The following AASS variants were observed in gnomAD, a reference collection of about 807,000 sequenced individuals.
AASS encodes the protein aminoadipate-semialdehyde synthase, also known as alpha-aminoadipic semialdehyde synthase, mitochondrial.
A neutral mutation model predicts 105.4 loss-of-function variants in AASS; 86 were observed. That is an observed-to-expected ratio of 0.82 (90% CI 0.69 to 0.98). The LOEUF (loss-of-function observed/expected upper bound fraction) is 0.98, where lower values mean the gene tolerates loss of function less well. Ranked by LOEUF, AASS falls within the 50% of genes least tolerant of loss-of-function variation. AASS has a pLI of 0.00. For synonymous variants in AASS, 381 were observed against 394.8 expected (o/e 0.96, Z 0.41); for missense variants, 1,048 against 1,143.2 (o/e 0.92, Z 1.20).
chr7:122,103,727 C>A (rs1221640151), intron 11 of AASS, among the ~76,000 whole-genome samples: 3 of 151,614 alleles, frequency 2.0e-5, no homozygotes, highest in Non-Finnish European at 4.4e-5. Flanking sequence ...ACTGGTTGCA[C>A]CCAACTCAGA....
intron 16 of AASS, 45 bp from the exon 17 acceptor site, chr7:122,092,996 TA>T: frequency 3.7e-6 from 6 of 1,611,436 alleles, no homozygotes; most frequent in Non-Finnish European, 5.1e-6. Flanking sequence ...GGATATAAAA[TA>T]AAAACAATGC....
rs573271928 is a variant in AASS at position 122,092,878 on chromosome 7, C to T, written c.1840G>A (p.Glu614Lys). ...ACTTCCTTGGCTTTATCTATTGTTT[C>T]CATTGCTAACATGTGATCCAGACCA... ...DPGLDHMLAMETIDKAKEVGA... is the reference protein window; with the variant it reads ...DPGLDHMLAMKTIDKAKEVGA... The change falls in exon 17 of 24, where the codon GAA (glutamate) becomes AAA (lysine). Residue 614 changes from glutamate to lysine, a missense_variant. Physicochemically the swap from Glu to Lys is moderately conservative, Grantham distance 56. Coordinates refer to ENST00000417368, the MANE Select transcript of AASS (RefSeq NM_005763.4). 1 of 1,613,928 alleles carries T rather than the reference C, an allele frequency of 6.2e-7. No individual in the cohort carries two copies. The highest frequency in any genetic ancestry group is 1.3e-5 in the African/African-American group (1 of 75,026).
chr7:122,116,522 C>T, intron 8 of AASS, 111 bp downstream of exon 8: 2 of 1,399,390 alleles, frequency 1.4e-6, no homozygotes, highest in Non-Finnish European at 2.0e-6. Flanking sequence ...CCAAAGGACT[C>T]ACAACAGGAA....
chr7:122,115,587 T>C (rs947448146), intron 8 of AASS, among the ~76,000 whole-genome samples: 1 of 152,180 alleles, frequency 6.6e-6, no homozygotes, highest in African/African-American at 2.4e-5. Flanking sequence ...TCATGCTACC[T>C]CAACTTCCCT....
chr7:122,095,195 G>A lies in AASS; in HGVS notation c.1656-2037C>T, dbSNP rs537958985. Among the ~76,000 whole-genome samples the A allele has an allele frequency of 2.6e-5, 4 of 152,058 alleles. No individual in the cohort carries two copies. The South Asian group carries it at 6.2e-4, about 24-fold the overall frequency. On this transcript the variant is annotated intron_variant, in intron 15 of 23. Coordinates refer to ENST00000417368, the MANE Select transcript of AASS (RefSeq NM_005763.4). ...GTCCACGGAGGAGACAGGCTTTAAC[G>A]GTGTTGATCAGTGTAAATGCTATCA...
At chr7:122,113,577 T>C in intron 10 of AASS, 21 bp downstream of exon 10, 1 of 1,612,742 alleles carries the variant, frequency 6.2e-7, no homozygotes, top group Non-Finnish European at 8.5e-7. Flanking sequence ...GAATATCATC[T>C]AACAACTTTA....
intron 4 of AASS, 135 bp downstream of exon 4, chr7:122,126,240 C>T: frequency 1.2e-6 from 1 of 801,088 alleles, no homozygotes; most frequent in Non-Finnish European, 2.2e-6. Flanking sequence ...TATTCATCAT[C>T]CTTCAGCATA....
Position 122,135,758 on chromosome 7 carries a change from A to C in AASS, c.-15-2017T>G, listed in dbSNP as rs547928917. Among the ~76,000 whole-genome samples, 3 of 152,304 alleles carry C rather than the reference A, an allele frequency of 2.0e-5. No homozygotes were observed. The South Asian group carries it at 6.2e-4, about 32-fold the overall frequency. ...ACTAAAAGTAGTTATTTTTTCCCTC[A>C]GCTGGAGGAAGCGTAGAATACGGTG... On this transcript the variant is annotated intron_variant, in intron 1 of 23. Transcript: ENST00000417368.
intron 1 of AASS, among the ~76,000 whole-genome samples, chr7:122,137,680 T>C (rs557480200): frequency 1.7e-3 from 265 of 152,316 alleles, no homozygotes; most frequent in Middle Eastern, 0.014. Context: ...CTTCAAGAAA[T>C]AGGAAATAGT....
chr7:122,098,096 T>C (rs1794252319), intron 15 of AASS, among the ~76,000 whole-genome samples: 1 of 151,996 alleles, frequency 6.6e-6, no homozygotes, highest in South Asian at 2.1e-4. Context: ...AATGAGGATA[T>C]ATTGAATGAT....
intron 19 of AASS, among the ~76,000 whole-genome samples, chr7:122,083,812 G>A (rs191508547): frequency 1.3e-5 from 2 of 152,050 alleles, no homozygotes; most frequent in East Asian, 2.0e-4. Context: ...GAAGGAGAGT[G>A]GTCAAGGCCT....
At chr7:122,079,458 G>T in intron 21 of AASS, 139 bp downstream of exon 21, 1 of 1,053,628 alleles carries the variant, frequency 9.5e-7, no homozygotes, top group Non-Finnish European at 1.4e-6. Context: ...ACATGAACAT[G>T]GCACATGGTA....
intron 23 of AASS, among the ~76,000 whole-genome samples, chr7:122,077,157 T>C (rs965611093): frequency 2.6e-5 from 4 of 152,310 alleles, no homozygotes; most frequent in Admixed American, 6.5e-5. Context: ...TATGCTACTA[T>C]ACATTTTTTT....
chr7:122,114,649 A>T (rs893310809), intron 9 of AASS, among the ~76,000 whole-genome samples: 3 of 152,142 alleles, frequency 2.0e-5, no homozygotes, highest in Non-Finnish European at 4.4e-5. Context: ...AACAGACTAG[A>T]GATAGAGATG....
chr7:122,117,638 CTATT>C (rs751868427), intron 6 of AASS, among the ~76,000 whole-genome samples: 80 of 150,030 alleles, frequency 5.3e-4, no homozygotes, highest in African/African-American at 1.6e-3. Context: ...ATTTATTTAT[CTATT>C]TATTTATTTA....
chr7:122,084,386 G>A (rs1793519852), intron 19 of AASS, among the ~76,000 whole-genome samples: 1 of 152,148 alleles, frequency 6.6e-6, no homozygotes, highest in East Asian at 1.9e-4. Context: ...AACTTAAAAT[G>A]CTGAGAAGTA....
chr7:122,115,294 A>T, intron 8 of AASS, 72 bp from the exon 9 acceptor site: 1 of 1,521,026 alleles, frequency 6.6e-7, no homozygotes, highest in Non-Finnish European at 9.1e-7. Flanking sequence ...AAAGAAAGCT[A>T]TCAGTAAATT....
chr7:122,075,719 T>A lies in AASS; in HGVS notation c.*770A>T, dbSNP rs1265853093. The A allele has an allele frequency of 6.6e-6, 1 of 152,190 alleles. No individual in the cohort carries two copies. Among genetic ancestry groups the A allele is most frequent in the East Asian group, 1.9e-4 (1 of 5,196 alleles). The allele number at this position is 152,190 out of a possible 1,614,324, so 9.4% of individuals were successfully genotyped here. The stretch of plus-strand genomic sequence containing the variant: ...AGTGATCTTGTAAATTGTAATTTAA[T>A]CTTATCTATTCTCATGTCCAAACAC... On this transcript the variant is annotated 3_prime_UTR_variant, in exon 24 of 24. Transcript: ENST00000417368.
At chr7:122,140,440 C>T (rs1480995425) in intron 1 of AASS, among the ~76,000 whole-genome samples, 2 of 130,268 alleles carry the variant, frequency 1.5e-5, no homozygotes, top group African/African-American at 6.1e-5. Context: ...GAGCCGAGTT[C>T]GTACCACTGC....
Sources: allele counts gnomAD v4.1 joint callset (sites outside exome capture counted in the v4.1 genomes callset), GRCh38; gene constraint gnomAD v4.1.1; transcripts MANE v1.5; gene names NCBI Gene and HGNC (gene_info 2026-07-23, HGNC 2026-07-21).